SGCZ: variants seen among roughly 807,000 people sequenced by gnomAD.
The protein encoded by SGCZ is sarcoglycan zeta.
SGCZ carries 40 observed loss-of-function variants against 41.3 expected under a neutral mutation model. The observed-to-expected ratio is 0.97, with a 90% confidence interval of 0.75 to 1.26. SGCZ has a LOEUF of 1.26. Among genes scored for constraint, SGCZ ranks in the 50% most tolerant of loss-of-function variants. The probability of loss-of-function intolerance (pLI) is 0.00; values close to 1 mark genes in which losing one functional copy is unlikely to be tolerated. For missense variants in SGCZ, 552 were observed against 369.8 expected (o/e 1.49, Z -4.04); for synonymous variants, 206 against 137.5 (o/e 1.50, Z -3.49).
intron 1 of SGCZ, among the ~76,000 whole-genome samples, chr8:14,992,742 C>T (rs1563417765): frequency 1.3e-5 from 1 of 77,324 alleles, no homozygotes; most frequent in Non-Finnish European, 2.2e-5. Context: ...AACCAGTGTT[C>T]CCCCTTGATA....
chr8:15,005,045 T>G (rs894467047), intron 1 of SGCZ, among the ~76,000 whole-genome samples: 7 of 152,196 alleles, frequency 4.6e-5, no homozygotes, highest in Admixed American at 3.3e-4. Flanking sequence ...TACTCTGCTC[T>G]TCTTTCTAGA....
intron 2 of SGCZ, among the ~76,000 whole-genome samples, chr8:14,506,070 G>C (rs561751805): frequency 6.6e-6 from 1 of 152,058 alleles, no homozygotes; most frequent in South Asian, 2.1e-4. Flanking sequence ...AGGTGCAGTG[G>C]CTCATGCCTA....
chr8:14,765,294 CA>C (rs1291522557), intron 1 of SGCZ, among the ~76,000 whole-genome samples: 1 of 152,134 alleles, frequency 6.6e-6, no homozygotes, highest in Non-Finnish European at 1.5e-5. Context: ...GATAGAACTA[CA>C]AAACAAACAG....
chr8:14,832,043 T>G (rs1051044977), intron 1 of SGCZ, among the ~76,000 whole-genome samples: 2 of 152,124 alleles, frequency 1.3e-5, no homozygotes, highest in South Asian at 2.1e-4. Context: ...AGAAACAGAT[T>G]AACAAACAGA....
chr8:15,046,815 C>G (rs985377842), intron 1 of SGCZ, among the ~76,000 whole-genome samples: 2 of 151,970 alleles, frequency 1.3e-5, no homozygotes, highest in Non-Finnish European at 2.9e-5. Context: ...GACGTTATAC[C>G]AAACATGCTA....
chr8:14,509,762 C>G (rs1802414679), intron 2 of SGCZ, among the ~76,000 whole-genome samples: 1 of 152,082 alleles, frequency 6.6e-6, no homozygotes, highest in Non-Finnish European at 1.5e-5. Flanking sequence ...TTCCTCATGA[C>G]TTGGGAGGCC....
intron 1 of SGCZ, among the ~76,000 whole-genome samples, chr8:14,980,276 C>G (rs1363847967): frequency 2.0e-5 from 3 of 152,118 alleles, no homozygotes; most frequent in Admixed American, 2.0e-4. Context: ...TCACGAAGAA[C>G]AGAGACGGTC....
intron 3 of SGCZ, among the ~76,000 whole-genome samples, chr8:14,238,785 C>G (rs1018376062): frequency 5.9e-5 from 9 of 151,994 alleles, no homozygotes; most frequent in Non-Finnish European, 1.2e-4. Flanking sequence ...TAGAACAAAA[C>G]TTGCCCTCTT....
At chr8:14,263,255 T>C (rs1249888827) in intron 3 of SGCZ, among the ~76,000 whole-genome samples, 3 of 152,158 alleles carry the variant, frequency 2.0e-5, no homozygotes, top group Non-Finnish European at 4.4e-5. Context: ...TTTAAGTCTA[T>C]GAAAAGATTT....
intron 1 of SGCZ, among the ~76,000 whole-genome samples, chr8:15,183,496 G>C (rs1800237782): frequency 6.6e-6 from 1 of 152,146 alleles, no homozygotes. Flanking sequence ...ATAATACACT[G>C]TACCTTTGAT....
At chr8:14,172,383 A>C (rs559776886) in intron 4 of SGCZ, among the ~76,000 whole-genome samples, 4 of 152,266 alleles carry the variant, frequency 2.6e-5, no homozygotes, top group African/African-American at 9.6e-5. Flanking sequence ...ATCACATTTT[A>C]TTTCATTAGC....
Position 14,551,550 on chromosome 8 carries a change from TAA to T in SGCZ, c.234+3180_234+3181del, listed in dbSNP as rs1803847703. Among the ~76,000 whole-genome samples the T allele has an allele frequency of 1.3e-3, 12 of 9,556 alleles. 1 individual carries two copies. Among genetic ancestry groups the T allele is most frequent in the East Asian group, 5.9e-3 (2 of 340 alleles). The allele number at this position is 9,556 out of a possible 152,430, so 6.3% of individuals were successfully genotyped here. On this transcript the variant is annotated intron_variant, in intron 2 of 7. Coordinates refer to ENST00000382080, the MANE Select transcript of SGCZ (RefSeq NM_139167.4). Reference sequence around the variant, plus strand: ...ATATATATAATATATATAATATATATAATATATATTATATATATAATATATAT... The same window carrying T: ...ATATATATAATATATATAATATATATTATATATTATATATATAATATATAT...
intron 1 of SGCZ, among the ~76,000 whole-genome samples, chr8:14,816,385 G>A (rs1801903736): frequency 6.6e-6 from 1 of 152,180 alleles, no homozygotes; most frequent in African/African-American, 2.4e-5. Flanking sequence ...TTATGAGTGT[G>A]TAATACAGGA....
chr8:14,427,502 C>T (rs1799820930), intron 2 of SGCZ, among the ~76,000 whole-genome samples: 1 of 152,068 alleles, frequency 6.6e-6, no homozygotes, highest in African/African-American at 2.4e-5. Context: ...GGTTCCCACT[C>T]CCCACTCGTT....
rs375203721 is a variant in SGCZ, at chr8:14,313,120, G to A, written c.336+10983C>T. ...TCGAGCCAAGTTCTCTTTCGCAGCT[G>A]TGAGAGTATTCTAATGAGTATGCTA... On this transcript the variant is annotated intron_variant, in intron 3 of 7. Transcript: ENST00000382080. Among the ~76,000 whole-genome samples the A allele has an allele frequency of 3.5e-4, 54 of 152,278 alleles. 1 individual carries two copies. The South Asian group carries it at 0.01, about 29-fold the overall frequency.
chr8:14,929,398 G>A (rs1799862796), intron 1 of SGCZ, among the ~76,000 whole-genome samples: 1 of 152,148 alleles, frequency 6.6e-6, no homozygotes, highest in Non-Finnish European at 1.5e-5. Flanking sequence ...TTCATACTAT[G>A]ACAGTTTAAG....
At chr8:14,183,638 A>C (rs1029753610) in intron 4 of SGCZ, among the ~76,000 whole-genome samples, 6 of 152,180 alleles carry the variant, frequency 3.9e-5, no homozygotes, top group African/African-American at 1.4e-4. Flanking sequence ...TGTTTCACAA[A>C]ATTTAACACC....
intron 1 of SGCZ, among the ~76,000 whole-genome samples, chr8:15,001,721 T>A (rs1486065725): frequency 1.1e-5 from 1 of 91,234 alleles, no homozygotes; most frequent in Middle Eastern, 0.011. Flanking sequence ...AGAGCAAGAC[T>A]CCGTCTCAAA....
intron 3 of SGCZ, among the ~76,000 whole-genome samples, chr8:14,259,387 T>C (rs1010343059): frequency 6.6e-6 from 1 of 151,692 alleles, no homozygotes; most frequent in Non-Finnish European, 1.5e-5. Context: ...TCCTTGCCCA[T>C]GCCTATGTCC....
Sources: gnomAD v4.1 joint callset for allele counts (sites outside exome capture counted in the v4.1 genomes callset) on GRCh38, gnomAD v4.1.1 for gene constraint, MANE v1.5 for transcripts, NCBI Gene and HGNC (gene_info 2026-07-23, HGNC 2026-07-21) for gene names.